Variants in STK3 observed in about 807,000 individuals in gnomAD.
STK3 encodes serine/threonine-protein kinase 3.
STK3 carries 41 observed loss-of-function variants against 58.0 expected under a neutral mutation model. The observed-to-expected ratio is 0.71, with a 90% confidence interval of 0.55 to 0.92. The LOEUF (loss-of-function observed/expected upper bound fraction) is 0.92. Among genes scored for constraint, STK3 ranks in the 40% least tolerant of loss-of-function variants. The pLI is 0.00. For missense variants in STK3, 479 were observed against 602.7 expected, an observed-to-expected ratio of 0.79 and a Z score of 2.15; for synonymous variants, 170 against 191.0, an observed-to-expected ratio of 0.89 and a Z score of 0.91.
chr8:98,664,335 C>A (rs942185230), intron 6 of STK3, among the ~76,000 whole-genome samples: 3 of 152,114 alleles, frequency 2.0e-5, no homozygotes, highest in African/African-American at 7.2e-5. Context: ...AGATGCTACC[C>A]CGGTCTGGGT....
chr8:98,584,254 C>T, intron 7 of STK3, among the ~76,000 whole-genome samples: 1 of 151,674 alleles, frequency 6.6e-6, no homozygotes, highest in Non-Finnish European at 1.5e-5. Context: ...CCCCTTCCCC[C>T]CACCCCACAA....
At chr8:98,812,985 T>C (rs1834319015) in intron 1 of STK3, among the ~76,000 whole-genome samples, 2 of 150,704 alleles carry the variant, frequency 1.3e-5, no homozygotes, top group Non-Finnish European at 2.9e-5. Context: ...TGTATACATA[T>C]GTAACAAACC....
At chr8:98,869,803 C>CTT (rs11416782) in intron 3 of STK3, among the ~76,000 whole-genome samples, 43 of 148,466 alleles carry the variant, frequency 2.9e-4, no homozygotes, top group Middle Eastern at 3.5e-3. Context: ...AGAAGATTTT[C>CTT]TTTTTTTTTT....
chr8:98,431,439 A>G (rs1051282144), intron 3 of STK3: 5 of 167,136 alleles, frequency 3.0e-5, no homozygotes, highest in African/African-American at 7.2e-5. Context: ...GAATTTGCAC[A>G]TGGAACACTT....
intron 10 of STK3, among the ~76,000 whole-genome samples, chr8:98,506,009 G>A (rs2131382311): frequency 6.6e-6 from 1 of 152,344 alleles, no homozygotes; most frequent in African/African-American, 2.4e-5. Context: ...CAGAGGTGGG[G>A]TCTATAGAGT....
chr8:98,729,882 T>A (rs1343579614), intron 4 of STK3, among the ~76,000 whole-genome samples: 2 of 152,212 alleles, frequency 1.3e-5, no homozygotes, highest in African/African-American at 4.8e-5. Flanking sequence ...TCAGCTCAAT[T>A]CTAGTCTTCA....
At chr8:98,420,434 A>T (rs184659300) in intron 3 of STK3, among the ~76,000 whole-genome samples, 122 of 152,334 alleles carry the variant, frequency 8.0e-4, no homozygotes, top group African/African-American at 2.9e-3. Context: ...ACTGTGTCTA[A>T]TTTATGAATT....
chr8:98,408,599 A>G (rs1418164943), intron 3 of STK3, among the ~76,000 whole-genome samples: 6 of 152,368 alleles, frequency 3.9e-5, no homozygotes, highest in Middle Eastern at 3.4e-3. Context: ...TGATTAAAAT[A>G]TACTCTTAAA....
intron 9 of STK3, among the ~76,000 whole-genome samples, chr8:98,530,639 C>T (rs1035089490): frequency 1.6e-4 from 24 of 152,104 alleles, no homozygotes; most frequent in African/African-American, 4.6e-4. Flanking sequence ...TAAATAATAC[C>T]GCAGTGAAGT....
chr8:98,520,584 A>G (rs1170815985), intron 10 of STK3, among the ~76,000 whole-genome samples: 1 of 152,034 alleles, frequency 6.6e-6, no homozygotes, highest in Non-Finnish European at 1.5e-5. Context: ...CTCAAGGCAG[A>G]AGGATGAAGC....
chr8:98,780,069 TATA>T (rs1006372982), intron 1 of STK3, among the ~76,000 whole-genome samples: 1 of 151,900 alleles, frequency 6.6e-6, no homozygotes, highest in African/African-American at 2.4e-5. Context: ...CATGTAATAA[TATA>T]ATTTTAATAA....
chr8:98,667,414 A>C (rs1469568977), intron 6 of STK3, among the ~76,000 whole-genome samples: 1 of 152,146 alleles, frequency 6.6e-6, no homozygotes, highest in Non-Finnish European at 1.5e-5. Flanking sequence ...TTCTATTTTA[A>C]ACCACCTTAA....
chr8:98,873,759 C>T (rs2131881768), intron 3 of STK3, among the ~76,000 whole-genome samples: 1 of 152,154 alleles, frequency 6.6e-6, no homozygotes, highest in African/African-American at 2.4e-5. Context: ...ATGGGTCTCC[C>T]AAATACAGCA....
chr8:98,642,981 G>A (rs556343455), intron 6 of STK3, among the ~76,000 whole-genome samples: 1 of 152,322 alleles, frequency 6.6e-6, no homozygotes, highest in Non-Finnish European at 1.5e-5. Context: ...TCAGCATTTT[G>A]GGAGGGCAAG....
chr8:98,821,706 A>C (rs939358139), intron 1 of STK3, among the ~76,000 whole-genome samples: 1 of 151,956 alleles, frequency 6.6e-6, no homozygotes, highest in African/African-American at 2.4e-5. Flanking sequence ...ACTTCTGAAG[A>C]CCTCAGTGAC....
intron 1 of STK3, among the ~76,000 whole-genome samples, chr8:98,916,687 A>G (rs1412673165): frequency 6.6e-6 from 1 of 152,190 alleles, no homozygotes; most frequent in Non-Finnish European, 1.5e-5. Flanking sequence ...TCATGCATTC[A>G]ACAAATACTG....
chr8:98,513,053 T>C (rs1173138940), intron 10 of STK3, among the ~76,000 whole-genome samples: 4 of 152,128 alleles, frequency 2.6e-5, no homozygotes, highest in Admixed American at 2.0e-4. Context: ...GAAAGAAACA[T>C]GAAATGCTCT....
chr8:98,745,381 A>G (rs1236829822), intron 4 of STK3, among the ~76,000 whole-genome samples: 1 of 152,180 alleles, frequency 6.6e-6, no homozygotes, highest in Non-Finnish European at 1.5e-5. Context: ...CTCATAGCAG[A>G]ACAGAACTGC....
chr8:98,525,376 C>T (rs1825670804), intron 10 of STK3, among the ~76,000 whole-genome samples: 2 of 148,272 alleles, frequency 1.3e-5, no homozygotes, highest in Non-Finnish European at 3.0e-5. Context: ...CACCATGATG[C>T]AATATATCCA....
Sources: gnomAD v4.1 joint callset for allele counts (sites outside exome capture counted in the v4.1 genomes callset) on GRCh38, gnomAD v4.1.1 for gene constraint, MANE v1.5 for transcripts, NCBI Gene and HGNC (gene_info 2026-07-23, HGNC 2026-07-21) for gene names.